The following NCOA3 variants were observed in gnomAD, a reference collection of about 807,000 sequenced individuals.
NCOA3 encodes CBP-interacting protein.
In NCOA3, 51 loss-of-function variants were observed where a neutral mutation model predicts 158.8. The observed-to-expected ratio is 0.32, with a 90% CI of 0.26 to 0.41. The LOEUF is 0.41. NCOA3 is among the 10% of genes least tolerant of loss of function. The probability of loss-of-function intolerance (pLI) is 1.00; values close to 1 mark genes in which losing one functional copy is unlikely to be tolerated. For synonymous variants in NCOA3, 537 were observed against 592.4 expected (o/e 0.91, Z 1.36); for missense variants, 1,510 against 1,746.6 (o/e 0.86, Z 2.41).
chr20:47,579,848 A>G (rs2085424504), intron 1 of NCOA3, among the ~76,000 whole-genome samples: 1 of 152,192 alleles, frequency 6.6e-6, no homozygotes, highest in Non-Finnish European at 1.5e-5. Context: ...GTTGGGCTCA[A>G]ATCTGCCTCT....
chr20:47,649,838 G>C (rs1388165644), intron 19 of NCOA3, among the ~76,000 whole-genome samples: 1 of 152,050 alleles, frequency 6.6e-6, no homozygotes, highest in Non-Finnish European at 1.5e-5. Context: ...GCTTTTTGGA[G>C]ATGACCCGTA....
At chr20:47,533,309 A>C (rs1369891432) in intron 1 of NCOA3, among the ~76,000 whole-genome samples, 1 of 136,588 alleles carries the variant, frequency 7.3e-6, no homozygotes. Flanking sequence ...AAAAAAGATC[A>C]TTGATTTTTT....
At chr20:47,556,133 C>T (rs2085003223) in intron 1 of NCOA3, among the ~76,000 whole-genome samples, 1 of 151,896 alleles carries the variant, frequency 6.6e-6, no homozygotes, top group Admixed American at 6.6e-5. Context: ...CAGGGTTTCA[C>T]CATGTTGGCC....
chr20:47,640,304 C>T (rs932141553), intron 16 of NCOA3, among the ~76,000 whole-genome samples: 7 of 152,186 alleles, frequency 4.6e-5, no homozygotes, highest in Non-Finnish European at 8.8e-5. Context: ...AGTGGCCAAA[C>T]CTCTGAGAGC....
chr20:47,637,855 C>G, intron 13 of NCOA3, 72 bp downstream of exon 13: 1 of 1,336,560 alleles, frequency 7.5e-7, no homozygotes, highest in Non-Finnish European at 1.0e-6. Flanking sequence ...AACACTCTTA[C>G]ACTAAGACCA....
At chr20:47,534,342 G>C (rs1466096161) in intron 1 of NCOA3, among the ~76,000 whole-genome samples, 1 of 151,560 alleles carries the variant, frequency 6.6e-6, no homozygotes, top group African/African-American at 2.4e-5. Flanking sequence ...CTTTCACCAG[G>C]CTTCTAGTTT....
At chr20:47,556,666 GC>G (rs1789605861) in intron 1 of NCOA3, among the ~76,000 whole-genome samples, 1 of 152,074 alleles carries the variant, frequency 6.6e-6, no homozygotes. Flanking sequence ...GGGATCACAG[GC>G]GCCTGCCACC....
rs898329898 is a variant in NCOA3 at position 47,623,766 on chromosome 20, C to T, written c.84-145C>T. On this transcript the variant is annotated intron_variant, in intron 3 of 22. Coordinates refer to ENST00000371998, the MANE Select transcript of NCOA3 (RefSeq NM_181659.3). ...TCGCACCGTTGTACTCCAGCCTGGGCAACAAGAGCGAAAACTCTGTCTCGA... is the reference window on the plus strand; with the variant it reads ...TCGCACCGTTGTACTCCAGCCTGGGTAACAAGAGCGAAAACTCTGTCTCGA... 20 of 704,550 alleles carry T rather than the reference C, an allele frequency of 2.8e-5. No individual in the cohort carries two copies. The African/African-American group carries it at 3.5e-4, about 12-fold the overall frequency. 43.6% of individuals were successfully genotyped at this position (704,550 alleles called of 1,614,324 possible).
chr20:47,557,584 C>A (rs2085027024), intron 1 of NCOA3, among the ~76,000 whole-genome samples: 1 of 152,140 alleles, frequency 6.6e-6, no homozygotes, highest in Admixed American at 6.5e-5. Context: ...TGCATATATA[C>A]AAATTGAGAA....
chr20:47,547,192 G>A (rs1188971867), intron 1 of NCOA3, among the ~76,000 whole-genome samples: 1 of 152,076 alleles, frequency 6.6e-6, no homozygotes, highest in Non-Finnish European at 1.5e-5. Context: ...TTAGGTAGGT[G>A]TCTGGCATAT....
At chr20:47,582,021 A>C (rs1193531568) in intron 1 of NCOA3, among the ~76,000 whole-genome samples, 1 of 152,066 alleles carries the variant, frequency 6.6e-6, no homozygotes, top group Non-Finnish European at 1.5e-5. Context: ...TGTTGTCTTT[A>C]TTCTCTGTTG....
intron 1 of NCOA3, among the ~76,000 whole-genome samples, chr20:47,556,550 TCTCA>T (rs1462779605): frequency 1.3e-5 from 2 of 152,124 alleles, no homozygotes; most frequent in South Asian, 2.1e-4. Flanking sequence ...TGAGATGGGG[TCTCA>T]CTCTGTCACC....
intron 2 of NCOA3, among the ~76,000 whole-genome samples, chr20:47,619,340 C>T (rs2086196073): frequency 6.6e-6 from 1 of 151,986 alleles, no homozygotes; most frequent in Non-Finnish European, 1.5e-5. Flanking sequence ...GAATAAATTA[C>T]ATATTTAAAA....
intron 1 of NCOA3, among the ~76,000 whole-genome samples, chr20:47,525,527 T>C (rs1483061245): frequency 6.9e-6 from 1 of 145,592 alleles, no homozygotes. Flanking sequence ...GAGGCGCCCC[T>C]CACCTCCTGG....
chr20:47,622,450 T>A, intron 3 of NCOA3, 120 bp downstream of exon 3: 1 of 644,614 alleles, frequency 1.6e-6, no homozygotes, highest in Non-Finnish European at 2.6e-6. Context: ...CACTTCGTGG[T>A]AAGTAGAGTG....
At chr20:47,602,146 G>C (rs2085875007) in intron 2 of NCOA3, among the ~76,000 whole-genome samples, 2 of 152,266 alleles carry the variant, frequency 1.3e-5, no homozygotes, top group South Asian at 4.1e-4. Context: ...ATCTTTTATA[G>C]TTTCTGTGCT....
intron 1 of NCOA3, among the ~76,000 whole-genome samples, chr20:47,528,538 C>T (rs2084493769): frequency 2.0e-5 from 3 of 152,178 alleles, no homozygotes; most frequent in African/African-American, 7.2e-5. Context: ...ATCTTTATGG[C>T]TTACCTCTAT....
intron 10 of NCOA3, among the ~76,000 whole-genome samples, chr20:47,635,062 A>G (rs1056014091): frequency 6.6e-6 from 1 of 151,382 alleles, no homozygotes; most frequent in African/African-American, 2.4e-5. Context: ...CTGAATAGCT[A>G]GGACTAGAGA....
chr20:47,508,687 C>T (rs897215954), intron 1 of NCOA3, among the ~76,000 whole-genome samples: 2 of 152,164 alleles, frequency 1.3e-5, no homozygotes, highest in Non-Finnish European at 2.9e-5. Flanking sequence ...AAGTTAATTG[C>T]TGTTGGTGGA....
Sources: gnomAD v4.1 joint callset for allele counts (sites outside exome capture counted in the v4.1 genomes callset) on GRCh38, gnomAD v4.1.1 for gene constraint, MANE v1.5 for transcripts, NCBI Gene and HGNC (gene_info 2026-07-23, HGNC 2026-07-21) for gene names.